Variants in MYO3B observed in about 807,000 individuals in gnomAD.
MYO3B encodes the protein myosin-IIIb.
In MYO3B, 156 loss-of-function variants were observed where a neutral mutation model predicts 174.6. The ratio of observed to expected loss-of-function variants is 0.89; its 90% CI spans 0.78 to 1.02. The LOEUF (loss-of-function observed/expected upper bound fraction) is 1.02. MYO3B is among the 50% of genes least tolerant of loss of function. The pLI, the probability that MYO3B is intolerant of heterozygous loss-of-function variation, is 0.00. For synonymous variants in MYO3B, 563 were observed against 569.1 expected (o/e 0.99, Z 0.15); for missense variants, 1,632 against 1,639.4 (o/e 1.00, Z 0.08).
At chr2:170,441,628 A>C (rs187365199) in intron 22 of MYO3B, among the ~76,000 whole-genome samples, 129 of 152,260 alleles carry the variant, frequency 8.5e-4, no homozygotes, top group African/African-American at 3.0e-3. Flanking sequence ...ATTTGTCATG[A>C]GTTTTCTGGG....
chr2:170,407,134 TG>T (rs1202338337), intron 21 of MYO3B, among the ~76,000 whole-genome samples: 1 of 152,166 alleles, frequency 6.6e-6, no homozygotes, highest in Admixed American at 6.5e-5. Flanking sequence ...ATAATTATTC[TG>T]ATGTGATTTA....
chr2:170,578,562 G>A (rs371312185), intron 32 of MYO3B, among the ~76,000 whole-genome samples: 22 of 152,234 alleles, frequency 1.4e-4, no homozygotes, highest in Admixed American at 9.2e-4. Flanking sequence ...TGTTAATTAC[G>A]ACTAATTTTA....
chr2:170,411,357 A>AC (rs1374542919), intron 22 of MYO3B, among the ~76,000 whole-genome samples: 1 of 152,256 alleles, frequency 6.6e-6, no homozygotes, highest in Non-Finnish European at 1.5e-5. Context: ...ATAATCTACT[A>AC]TACATCTAGG....
In MYO3B at chr2:170,401,620, C is replaced by A; in HGVS notation, c.2058C>A (p.Ala686=). 1 of 1,614,038 alleles carries A rather than the reference C, an allele frequency of 6.2e-7. No homozygotes were observed. The highest frequency in any genetic ancestry group is 1.6e-4 in the Middle Eastern group (1 of 6,062). ...AADVRDAMSK[A]LYGRLFSWIV... ...ACGTTCGAGACGCCATGTCCAAAGCCCTGTATGGGAGGCTCTTCAGCTGGA... is the reference window on the plus strand; with the variant it reads ...ACGTTCGAGACGCCATGTCCAAAGCACTGTATGGGAGGCTCTTCAGCTGGA... Residue 686 remains alanine (A), a synonymous_variant, in exon 18 of 35, where the codon GCC becomes GCA. Coordinates refer to ENST00000408978, the MANE Select transcript of MYO3B (RefSeq NM_138995.5).
intron 22 of MYO3B, among the ~76,000 whole-genome samples, chr2:170,419,258 C>G (rs1420835182): frequency 6.6e-6 from 1 of 152,182 alleles, no homozygotes; most frequent in African/African-American, 2.4e-5. Flanking sequence ...CTAGGAAACT[C>G]TTTATTTTAT....
chr2:170,529,819 A>T (rs1343562886), intron 30 of MYO3B, among the ~76,000 whole-genome samples: 1 of 152,224 alleles, frequency 6.6e-6, no homozygotes, highest in Non-Finnish European at 1.5e-5. Context: ...ATCAACACAT[A>T]ATGAAACCTA....
At chr2:170,376,820 A>G (rs1219495784) in intron 9 of MYO3B, among the ~76,000 whole-genome samples, 1 of 152,236 alleles carries the variant, frequency 6.6e-6, no homozygotes, top group East Asian at 1.9e-4. Flanking sequence ...TTCTCAGTGC[A>G]GAGATTAACT....
intron 32 of MYO3B, among the ~76,000 whole-genome samples, chr2:170,551,112 C>G (rs1690849910): frequency 6.6e-6 from 1 of 151,714 alleles, no homozygotes; most frequent in African/African-American, 2.4e-5. Context: ...GCTGCCCAGC[C>G]TGGTCTTGAA....
chr2:170,426,274 G>C (rs1477362068), intron 22 of MYO3B, among the ~76,000 whole-genome samples: 1 of 151,602 alleles, frequency 6.6e-6, no homozygotes, highest in African/African-American at 2.4e-5. Flanking sequence ...AGGAGTTCGA[G>C]ACTGCAGTGA....
intron 7 of MYO3B, among the ~76,000 whole-genome samples, chr2:170,294,916 A>C (rs963892137): frequency 6.6e-6 from 1 of 151,268 alleles, no homozygotes; most frequent in Admixed American, 6.6e-5. Context: ...CCTTCTGCTC[A>C]ATTTTTCTGA....
Position 170,200,142 on chromosome 2 carries a change from C to G in MYO3B, c.187-8C>G. On this transcript the variant is annotated splice_region_variant and splice_polypyrimidine_tract_variant and intron_variant, in intron 2 of 34. Coordinates refer to ENST00000408978, the MANE Select transcript of MYO3B (RefSeq NM_138995.5). Reference sequence around the variant, plus strand: ...TTAATCCAGCTTGCATTTTTCTACCCTGTTTAGGATATGGATGAAGAAATT... The same window carrying G: ...TTAATCCAGCTTGCATTTTTCTACCGTGTTTAGGATATGGATGAAGAAATT... The G allele has an allele frequency of 5.0e-6, 8 of 1,609,622 alleles. No homozygotes were observed. Among genetic ancestry groups the G allele is most frequent in the Non-Finnish European group, 5.1e-6 (6 of 1,177,864 alleles).
intron 3 of MYO3B, 147 bp downstream of exon 3, chr2:170,200,431 C>A: frequency 1.2e-6 from 1 of 811,940 alleles, no homozygotes; most frequent in Non-Finnish European, 1.8e-6. Flanking sequence ...ATGTGACATT[C>A]TCCTCCACAG....
intron 25 of MYO3B, among the ~76,000 whole-genome samples, chr2:170,471,999 A>T (rs544384753): frequency 3.1e-4 from 47 of 152,148 alleles, no homozygotes; most frequent in African/African-American, 1.1e-3. Context: ...CTAAAAAAAA[A>T]AAAAAAAACT....
chr2:170,565,586 G>C (rs1165575591), intron 32 of MYO3B, among the ~76,000 whole-genome samples: 1 of 152,156 alleles, frequency 6.6e-6, no homozygotes, highest in East Asian at 1.9e-4. Context: ...GATATTTCTT[G>C]TCAACAGTTG....
rs371680194 is a variant in MYO3B at position 170,409,085 on chromosome 2, G to GA, written c.2650+1248dup. Among the ~76,000 whole-genome samples the GA allele has an allele frequency of 2.2e-3, 339 of 152,164 alleles. 2 individuals are homozygous for GA. Among genetic ancestry groups the GA allele is most frequent in the African/African-American group, 7.9e-3 (327 of 41,514 alleles). ...TATTGATAGGGGACATGCTCTCTGG[G>GA]AAAAAAATCTATCCAAATAACTCTT... On this transcript the variant is annotated intron_variant, in intron 22 of 34. Coordinates refer to ENST00000408978, the MANE Select transcript of MYO3B (RefSeq NM_138995.5).
intron 23 of MYO3B, among the ~76,000 whole-genome samples, 199 bp from the exon 24 acceptor site, chr2:170,463,169 G>A (rs1041972580): frequency 6.6e-6 from 1 of 152,194 alleles, no homozygotes; most frequent in Admixed American, 6.5e-5. Context: ...ATAGAGTGAG[G>A]TATTGTCAAA....
intron 32 of MYO3B, among the ~76,000 whole-genome samples, chr2:170,645,956 G>A (rs1698335086): frequency 6.6e-6 from 1 of 152,100 alleles, no homozygotes; most frequent in African/African-American, 2.4e-5. Context: ...TATGTATCAT[G>A]TTTCTAGCTT....
At chr2:170,444,423 A>C (rs1559007144) in intron 23 of MYO3B, among the ~76,000 whole-genome samples, 2 of 152,192 alleles carry the variant, frequency 1.3e-5, no homozygotes, top group South Asian at 2.1e-4. Context: ...ATCTGTGCAA[A>C]GGAGTTATTA....
At chr2:170,529,045 C>A (rs915146157) in intron 30 of MYO3B, among the ~76,000 whole-genome samples, 1 of 152,164 alleles carries the variant, frequency 6.6e-6, no homozygotes, top group Non-Finnish European at 1.5e-5. Flanking sequence ...CAAAAAATTG[C>A]TGTTTAATTT....
Sources: allele counts gnomAD v4.1 joint callset (sites outside exome capture counted in the v4.1 genomes callset), GRCh38; gene constraint gnomAD v4.1.1; transcripts MANE v1.5; gene names NCBI Gene and HGNC (gene_info 2026-07-23, HGNC 2026-07-21).